Variants in MAPK4 observed in about 807,000 individuals in gnomAD.
The protein encoded by MAPK4 is mitogen-activated protein kinase 4.
MAPK4 carries 22 observed loss-of-function variants against 47.7 expected under a neutral mutation model. That is an observed-to-expected ratio of 0.46 (90% confidence interval 0.33 to 0.66). The LOEUF (loss-of-function observed/expected upper bound fraction) is 0.66, where lower values mean the gene tolerates loss of function less well. Among genes scored for constraint, MAPK4 ranks in the 30% least tolerant of loss-of-function variants. The probability of loss-of-function intolerance (pLI) is 0.02; values close to 1 mark genes in which losing one functional copy is unlikely to be tolerated. For missense variants in MAPK4, 736 were observed against 831.7 expected (o/e 0.88, Z 1.42); for synonymous variants, 390 against 365.7 (o/e 1.07, Z -0.76).
intron 1 of MAPK4, among the ~76,000 whole-genome samples, chr18:50,658,226 G>T (rs1173913879): frequency 3.3e-5 from 5 of 152,208 alleles, no homozygotes; most frequent in African/African-American, 1.2e-4. Flanking sequence ...AAAGGTGGCT[G>T]CCTCTTGCTT....
intron 3 of MAPK4, among the ~76,000 whole-genome samples, chr18:50,716,585 C>G (rs949269268): frequency 2.0e-5 from 3 of 152,240 alleles, no homozygotes; most frequent in Admixed American, 6.5e-5. Context: ...TCTCCACACG[C>G]TCTGGCTGCA....
At chr18:50,619,909 G>C (rs2042716798) in intron 1 of MAPK4, among the ~76,000 whole-genome samples, 1 of 152,360 alleles carries the variant, frequency 6.6e-6, no homozygotes, top group East Asian at 1.9e-4. Context: ...GGTCCACAGG[G>C]AGGCTGGCGT....
chr18:50,720,417 G>A (rs1598954969), intron 3 of MAPK4, among the ~76,000 whole-genome samples: 1 of 152,196 alleles, frequency 6.6e-6, no homozygotes, highest in East Asian at 1.9e-4. Context: ...GGGTGGGGGA[G>A]CTAGGTCTGC....
intron 2 of MAPK4, among the ~76,000 whole-genome samples, chr18:50,694,043 G>A (rs537833661): frequency 7.2e-4 from 109 of 152,324 alleles, no homozygotes; most frequent in Non-Finnish European, 1.1e-3. Flanking sequence ...AGAAGCATTC[G>A]GTATTTATCT....
chr18:50,673,255 C>T (rs187307974), intron 2 of MAPK4, among the ~76,000 whole-genome samples: 18 of 152,218 alleles, frequency 1.2e-4, no homozygotes, highest in African/African-American at 3.9e-4. Context: ...CCAGCCTAAG[C>T]GAAAGAGTGA....
At chr18:50,589,361 C>A (rs2042415224) in intron 1 of MAPK4, among the ~76,000 whole-genome samples, 1 of 152,164 alleles carries the variant, frequency 6.6e-6, no homozygotes, top group Admixed American at 6.5e-5. Context: ...CTTTGGGAGG[C>A]CGAGGCGGGC....
intron 1 of MAPK4, among the ~76,000 whole-genome samples, chr18:50,624,116 T>G (rs2149383438): frequency 6.6e-6 from 1 of 152,370 alleles, no homozygotes; most frequent in South Asian, 2.1e-4. Flanking sequence ...TTACTTACCT[T>G]GGTATTTGTC....
At chr18:50,623,286 A>G (rs929736507) in intron 1 of MAPK4, among the ~76,000 whole-genome samples, 2 of 152,214 alleles carry the variant, frequency 1.3e-5, no homozygotes, top group Non-Finnish European at 2.9e-5. Context: ...CTCTTGATGC[A>G]TCAAGCTCCT....
chr18:50,680,425 T>C (rs1908527789), intron 2 of MAPK4, among the ~76,000 whole-genome samples: 1 of 152,186 alleles, frequency 6.6e-6, no homozygotes, highest in Non-Finnish European at 1.5e-5. Context: ...TATTGAGATA[T>C]ATTAACATAC....
chr18:50,685,268 G>A (rs1908808134), intron 2 of MAPK4, among the ~76,000 whole-genome samples: 1 of 152,226 alleles, frequency 6.6e-6, no homozygotes, highest in Admixed American at 6.5e-5. Context: ...GGCATCAGGG[G>A]CCTGGGTTCC....
At chr18:50,726,540 A>AT (rs1387572329) in intron 5 of MAPK4, among the ~76,000 whole-genome samples, 1 of 152,210 alleles carries the variant, frequency 6.6e-6, no homozygotes, top group Non-Finnish European at 1.5e-5. Context: ...GGCGAGGCAA[A>AT]AAAACAAAGC....
intron 1 of MAPK4, among the ~76,000 whole-genome samples, chr18:50,639,606 T>G (rs1330103607): frequency 1.3e-5 from 2 of 152,242 alleles, no homozygotes; most frequent in South Asian, 4.1e-4. Context: ...TCTAGTCTTT[T>G]TGCCATACAA....
chr18:50,627,686 G>A (rs2042792089), intron 1 of MAPK4, among the ~76,000 whole-genome samples: 1 of 152,240 alleles, frequency 6.6e-6, no homozygotes, highest in Non-Finnish European at 1.5e-5. Flanking sequence ...ATTTGAGAGA[G>A]CAGAGGTGAG....
chr18:50,717,751 A>C (rs747837987), intron 3 of MAPK4, among the ~76,000 whole-genome samples: 8 of 152,168 alleles, frequency 5.3e-5, no homozygotes, highest in Non-Finnish European at 1.0e-4. Flanking sequence ...CGACAATCTC[A>C]GTTGCTGGCC....
At chr18:50,656,595 G>C (rs979369811) in intron 1 of MAPK4, among the ~76,000 whole-genome samples, 10 of 152,180 alleles carry the variant, frequency 6.6e-5, no homozygotes, top group African/African-American at 1.9e-4. Context: ...CTTAAGGGGA[G>C]GGGATGACAC....
chr18:50,651,885 C>T (rs1420894790), intron 1 of MAPK4, among the ~76,000 whole-genome samples: 2 of 152,222 alleles, frequency 1.3e-5, no homozygotes, highest in African/African-American at 2.4e-5. Context: ...CACCTCTTCC[C>T]GTGTGAAGGC....
At chr18:50,584,740 T>A (rs1368967429) in intron 1 of MAPK4, among the ~76,000 whole-genome samples, 1 of 152,254 alleles carries the variant, frequency 6.6e-6, no homozygotes, top group Non-Finnish European at 1.5e-5. Context: ...TATTTATCTT[T>A]AATAATCACT....
At chr18:50,639,786 G>A (rs1483035758) in intron 1 of MAPK4, among the ~76,000 whole-genome samples, 1 of 152,168 alleles carries the variant, frequency 6.6e-6, no homozygotes, top group Non-Finnish European at 1.5e-5. Context: ...TTGGACATTG[G>A]GATGATTAAG....
rs550856156 is a variant in MAPK4 at position 50,703,860 on chromosome 18, A to G, written c.547-11219A>G. Among the ~76,000 whole-genome samples the G allele has an allele frequency of 2.8e-4, 42 of 152,276 alleles. No homozygotes were observed. The South Asian group carries it at 6.0e-3, about 22-fold the overall frequency. Reference sequence around the variant, plus strand: ...AGCTATTAACATCTTTGGAATATGAATTCATTTCAGGAAACACTACCTTAC... The same window carrying G: ...AGCTATTAACATCTTTGGAATATGAGTTCATTTCAGGAAACACTACCTTAC... On this transcript the variant is annotated intron_variant, in intron 2 of 5. Coordinates refer to ENST00000400384, the MANE Select transcript of MAPK4 (RefSeq NM_002747.4).
Sources: gnomAD v4.1 joint callset for allele counts (sites outside exome capture counted in the v4.1 genomes callset) on GRCh38, gnomAD v4.1.1 for gene constraint, MANE v1.5 for transcripts, NCBI Gene and HGNC (gene_info 2026-07-23, HGNC 2026-07-21) for gene names.